Variants in CUX1 observed in about 807,000 individuals in gnomAD.
CUX1 encodes the protein cut like homeobox 1.
CUX1 carries 31 observed loss-of-function variants against 158.8 expected under a neutral mutation model. The observed-to-expected ratio is 0.20, with a 90% CI of 0.15 to 0.26. The LOEUF is 0.26. Among genes scored for constraint, CUX1 ranks in the 10% least tolerant of loss-of-function variants. The pLI, the probability that CUX1 is intolerant of heterozygous loss-of-function variation, is 1.00. For synonymous variants in CUX1, 879 were observed against 862.1 expected (o/e 1.02, Z -0.34); for missense variants, 1,589 against 2,014.6 (o/e 0.79, Z 4.04).
chr7:102,250,246 T>C lies in CUX1; in HGVS notation c.*1204T>C. 1.0e-6 allele frequency: 1 copy of C among 985,402 alleles called. No homozygotes were observed. Among genetic ancestry groups the C allele is most frequent in the Non-Finnish European group, 1.2e-6 (1 of 829,948 alleles). The allele number at this position is 985,402 out of a possible 1,614,324, so 61.0% of individuals were successfully genotyped here. ...CAATCTGTCTGTGCGTCTGCACGTG[T>C]GCAAGCATTGAAAGAAAGGAGAGAG... On this transcript the variant is annotated 3_prime_UTR_variant, in exon 24 of 24. Coordinates refer to ENST00000292535, the MANE Select transcript of CUX1 (RefSeq NM_181552.4).
chr7:101,950,830 C>G (rs146633189), intron 2 of CUX1, among the ~76,000 whole-genome samples: 2 of 152,128 alleles, frequency 1.3e-5, no homozygotes, highest in Non-Finnish European at 2.9e-5. Flanking sequence ...GGATTACAGG[C>G]GTGAGCCATG....
chr7:102,158,810 C>A (rs1339066793), intron 9 of CUX1, among the ~76,000 whole-genome samples: 2 of 152,200 alleles, frequency 1.3e-5, no homozygotes, highest in African/African-American at 2.4e-5. Flanking sequence ...TTGGCAAAGT[C>A]TTTGATGTGG....
chr7:102,144,057 C>T (rs571335200), intron 8 of CUX1, among the ~76,000 whole-genome samples: 1 of 152,190 alleles, frequency 6.6e-6, no homozygotes, highest in African/African-American at 2.4e-5. Context: ...GCTGGGATTA[C>T]AGGCGTGAGC....
chr7:102,196,721 A>G lies in CUX1; in HGVS notation c.1310A>G (p.Asn437Ser). The part of the protein sequence containing the change: ...PAPPPSQLPR[N>S]PGEQASNTNG... ...CCCCCTCCTTCTCAGTTGCCCCGCA[A>G]CCCGGGGGAGCAGGCTTCCAATACT... The change falls in exon 15 of 24, where the codon AAC becomes AGC. Residue 437 changes from asparagine to serine, a missense_variant. Asn to Ser is a conservative substitution (Grantham distance 46). Transcript: ENST00000292535. The G allele has an allele frequency of 6.2e-7, 1 of 1,611,376 alleles. No homozygotes were observed. The highest frequency in any genetic ancestry group is 1.1e-5 in the South Asian group (1 of 90,946).
intron 15 of CUX1, among the ~76,000 whole-genome samples, 182 bp downstream of exon 15, chr7:102,197,487 T>C (rs1794914957): frequency 6.6e-6 from 1 of 152,238 alleles, no homozygotes; most frequent in South Asian, 2.1e-4. Context: ...TTAAGGCTGT[T>C]AGATTTGGGA....
intron 6 of CUX1, among the ~76,000 whole-genome samples, chr7:102,105,465 A>G (rs113609114): frequency 7.3e-5 from 11 of 151,436 alleles, no homozygotes; most frequent in Non-Finnish European, 1.6e-4. Context: ...TGTAACAACA[A>G]TAAGGACTAT....
In CUX1 at chr7:102,198,460, G is replaced by A. The variant is rs527638484; in HGVS notation, c.1895-342G>A. Among the ~76,000 whole-genome samples the A allele has an allele frequency of 9.8e-5, 15 of 152,298 alleles. No homozygotes were observed. The South Asian group carries it at 3.1e-3, about 32-fold the overall frequency. On this transcript the variant is annotated intron_variant, in intron 15 of 23. Coordinates refer to ENST00000292535, the MANE Select transcript of CUX1 (RefSeq NM_181552.4). The stretch of plus-strand genomic sequence containing the variant: ...GCAGTGTTTTATGAGGATGTTAACC[G>A]AAATTGAATGTCTTTGGATGATTAA...
At chr7:101,853,550 G>T (rs1400868361) in intron 1 of CUX1, among the ~76,000 whole-genome samples, 3 of 151,064 alleles carry the variant, frequency 2.0e-5, no homozygotes, top group African/African-American at 7.3e-5. Flanking sequence ...ACGTGTTGTT[G>T]TTTGTTCATA....
intron 20 of CUX1, among the ~76,000 whole-genome samples, chr7:102,221,006 G>A (rs1384189859): frequency 6.6e-6 from 1 of 152,010 alleles, no homozygotes; most frequent in Non-Finnish European, 1.5e-5. Context: ...CACCGTGCCC[G>A]GCTCCCCTGC....
At chr7:102,080,689 G>T (rs754067430) in intron 4 of CUX1, among the ~76,000 whole-genome samples, 1 of 152,132 alleles carries the variant, frequency 6.6e-6, no homozygotes, top group Non-Finnish European at 1.5e-5. Flanking sequence ...GCCCCCAGCC[G>T]AATCCAAAAG....
intron 1 of CUX1, among the ~76,000 whole-genome samples, chr7:101,899,933 C>T (rs1801954840): frequency 6.6e-6 from 1 of 152,196 alleles, no homozygotes; most frequent in Non-Finnish European, 1.5e-5. Flanking sequence ...GCGGCAGGAG[C>T]TGTAATTGTG....
At chr7:102,205,318 G>A (rs576980272) in intron 20 of CUX1, 148 bp downstream of exon 20, 1 of 643,618 alleles carries the variant, frequency 1.6e-6, no homozygotes, top group Non-Finnish European at 2.8e-6. Context: ...TGCAAACGGG[G>A]TCCCTCTCTG....
At chr7:102,276,426 C>T (rs1255329267) in intron 17 of CUX1, among the ~76,000 whole-genome samples, 1 of 152,148 alleles carries the variant, frequency 6.6e-6, no homozygotes, top group Non-Finnish European at 1.5e-5. Flanking sequence ...CTCAGCCTCC[C>T]GGATAGCTGA....
intron 2 of CUX1, among the ~76,000 whole-genome samples, chr7:102,024,159 G>T (rs1819718129): frequency 3.3e-5 from 5 of 152,224 alleles, no homozygotes; most frequent in Admixed American, 2.6e-4. Context: ...CTGCCATTCA[G>T]GGCCTGGCCT....
Position 101,924,189 on chromosome 7 carries a change from T to C in CUX1, c.141+7964T>C, listed in dbSNP as rs993148339. ...GAGGACAGAGGATGGGAAGATGCTG[T>C]GAACTTTTATGATTCGTTTTTCACT... On this transcript the variant is annotated intron_variant, in intron 2 of 23. Coordinates refer to ENST00000292535, the MANE Select transcript of CUX1 (RefSeq NM_181552.4). Among the ~76,000 whole-genome samples, 3 of 151,870 alleles carry C rather than the reference T, an allele frequency of 2.0e-5. 1 individual carries two copies. The highest frequency in any genetic ancestry group is 2.0e-4 in the Admixed American group (3 of 15,258).
intron 17 of CUX1, chr7:102,275,417 C>G (rs1400957734): frequency 9.6e-6 from 13 of 1,359,746 alleles, no homozygotes; most frequent in African/African-American, 1.4e-5. Flanking sequence ...AGTTGGGGAA[C>G]ACACAGGCTT....
intron 1 of CUX1, among the ~76,000 whole-genome samples, chr7:101,889,546 G>A (rs1455967401): frequency 6.6e-6 from 1 of 152,138 alleles, no homozygotes; most frequent in Non-Finnish European, 1.5e-5. Flanking sequence ...CGAGGCCGGC[G>A]GATCACTTGA....
chr7:102,240,265 T>A (rs148347085), intron 23 of CUX1, among the ~76,000 whole-genome samples: 34 of 152,312 alleles, frequency 2.2e-4, no homozygotes, highest in Admixed American at 7.9e-4. Flanking sequence ...TTTATAGTTA[T>A]ATTCATATTT....
intron 1 of CUX1, among the ~76,000 whole-genome samples, chr7:101,910,062 G>A (rs1803245720): frequency 6.6e-6 from 1 of 152,176 alleles, no homozygotes; most frequent in Non-Finnish European, 1.5e-5. Flanking sequence ...TGGGATTACA[G>A]ATGCACACCA....
Sources: allele counts gnomAD v4.1 joint callset (sites outside exome capture counted in the v4.1 genomes callset), GRCh38; gene constraint gnomAD v4.1.1; transcripts MANE v1.5; gene names NCBI Gene and HGNC (gene_info 2026-07-23, HGNC 2026-07-21).